MALRD1: variants seen among roughly 807,000 people sequenced by gnomAD.
MALRD1 encodes MAM and LDL receptor class A domain containing 1.
A neutral mutation model predicts 242.1 loss-of-function variants in MALRD1; 247 were observed. The observed-to-expected ratio is 1.02, with a 90% CI of 0.92 to 1.13. The LOEUF (loss-of-function observed/expected upper bound fraction) is 1.13, where lower values mean the gene tolerates loss of function less well. MALRD1 is among the 50% of genes most tolerant of loss of function. MALRD1 has a pLI of 0.00. For missense variants in MALRD1, 2,989 were observed against 2,533.1 expected (o/e 1.18, Z -3.86); for synonymous variants, 995 against 866.6 (o/e 1.15, Z -2.60).
chr10:19,190,866 T>C (rs975412763), intron 14 of MALRD1, among the ~76,000 whole-genome samples: 1 of 152,044 alleles, frequency 6.6e-6, no homozygotes, highest in African/African-American at 2.4e-5. Context: ...GAAGAAAATA[T>C]AGGACAGAAA....
At chr10:19,197,239 G>C (rs188014417) in intron 14 of MALRD1, among the ~76,000 whole-genome samples, 3 of 152,092 alleles carry the variant, frequency 2.0e-5, no homozygotes, top group Non-Finnish European at 4.4e-5. Flanking sequence ...CCCTCAACAC[G>C]TGAGAATTAC....
chr10:19,586,124 C>T (rs542457549), intron 33 of MALRD1, among the ~76,000 whole-genome samples: 1 of 152,110 alleles, frequency 6.6e-6, no homozygotes, highest in African/African-American at 2.4e-5. Flanking sequence ...GTTATACATT[C>T]TTCTAAATTT....
At chr10:19,417,655 A>G (rs747976773) in intron 28 of MALRD1, among the ~76,000 whole-genome samples, 17 of 152,200 alleles carry the variant, frequency 1.1e-4, no homozygotes, top group Non-Finnish European at 2.4e-4. Context: ...AAGTCAGCGT[A>G]TGTAATAGTT....
chr10:19,704,518 G>T (rs776933519), intron 38 of MALRD1, among the ~76,000 whole-genome samples: 12 of 152,144 alleles, frequency 7.9e-5, no homozygotes, highest in Non-Finnish European at 1.2e-4. Flanking sequence ...TAATGCCGTC[G>T]CTTTAATAGG....
At chr10:19,142,002 C>G (rs928550091) in intron 10 of MALRD1, among the ~76,000 whole-genome samples, 2 of 151,626 alleles carry the variant, frequency 1.3e-5, no homozygotes, top group Admixed American at 6.6e-5. Context: ...GAAACCCCAT[C>G]TCTACTAAAA....
At chr10:19,497,885 T>C (rs1163461954) in intron 30 of MALRD1, among the ~76,000 whole-genome samples, 1 of 152,152 alleles carries the variant, frequency 6.6e-6, no homozygotes, top group African/African-American at 2.4e-5. Context: ...ATACAGTTAT[T>C]ATCTATTAAT....
intron 28 of MALRD1, among the ~76,000 whole-genome samples, chr10:19,427,321 G>A (rs569229778): frequency 3.9e-5 from 6 of 152,228 alleles, no homozygotes; most frequent in Non-Finnish European, 5.9e-5. Flanking sequence ...TAATGAGCAT[G>A]GCTATCATAT....
At chr10:19,171,721 C>CACATATAT in intron 13 of MALRD1, among the ~76,000 whole-genome samples, 2 of 125,760 alleles carry the variant, frequency 1.6e-5, no homozygotes, top group South Asian at 4.9e-4. Context: ...CGTATATACA[C>CACATATAT]GTATATACGT....
At chr10:19,729,550 TTA>T (rs1364796341) in intron 38 of MALRD1, among the ~76,000 whole-genome samples, 8 of 150,874 alleles carry the variant, frequency 5.3e-5, no homozygotes, top group Admixed American at 1.3e-4. Context: ...GGATCCTTTC[TTA>T]TGTGTGTGTG....
upstream of MALRD1, chr10:19,048,784 C>A (rs150963839): frequency 1.1e-4 from 51 of 478,450 alleles, no homozygotes; most frequent in African/African-American, 9.4e-4. Context: ...AATTAACTGC[C>A]TGGGGAGTAA....
intron 11 of MALRD1, among the ~76,000 whole-genome samples, chr10:19,148,690 G>A (rs1370094605): frequency 6.7e-6 from 1 of 150,114 alleles, no homozygotes; most frequent in Non-Finnish European, 1.5e-5. Context: ...ATAACAATAT[G>A]ACTGATAAAA....
chr10:19,641,016 A>G (rs989191580), intron 36 of MALRD1, among the ~76,000 whole-genome samples: 9 of 152,146 alleles, frequency 5.9e-5, no homozygotes, highest in African/African-American at 1.9e-4. Context: ...TTGGATATTC[A>G]CTTTTACTAA....
chr10:19,486,708 G>A (rs1233100286), intron 29 of MALRD1, among the ~76,000 whole-genome samples: 1 of 152,090 alleles, frequency 6.6e-6, no homozygotes, highest in Non-Finnish European at 1.5e-5. Flanking sequence ...GCTTAAGAAA[G>A]TAATAAAACA....
chr10:19,473,795 T>C (rs193266177), intron 29 of MALRD1, among the ~76,000 whole-genome samples: 7 of 152,308 alleles, frequency 4.6e-5, no homozygotes, highest in Non-Finnish European at 1.5e-5. Flanking sequence ...AGTGCACAAA[T>C]ACCTGCTCAA....
intron 33 of MALRD1, among the ~76,000 whole-genome samples, chr10:19,591,012 A>G (rs764115653): frequency 2.0e-5 from 3 of 152,180 alleles, no homozygotes; most frequent in African/African-American, 7.2e-5. Flanking sequence ...ACATACAGTT[A>G]GTTTCACCGC....
In MALRD1 at chr10:19,183,122, T is replaced by G. The variant is rs1161988941; in HGVS notation, c.1951+7794T>G. ...TAAAGTCTTATTTTGAGGGTTTTTT[T>G]TTTTTTTTTGCCTGCTTTTTTGAAA... On this transcript the variant is annotated intron_variant, in intron 14 of 39. Coordinates refer to ENST00000454679, the MANE Select transcript of MALRD1 (RefSeq NM_001142308.3). Among the ~76,000 whole-genome samples the G allele has an allele frequency of 2.9e-3, 435 of 150,912 alleles. 3 individuals are homozygous for G. Among genetic ancestry groups the G allele is most frequent in the African/African-American group, 9.8e-3 (406 of 41,270 alleles).
chr10:19,626,744 G>T (rs1839673060), intron 36 of MALRD1, among the ~76,000 whole-genome samples: 2 of 151,010 alleles, frequency 1.3e-5, no homozygotes, highest in African/African-American at 2.4e-5. Flanking sequence ...AAAAAAAAAT[G>T]AACAAACCAC....
At chr10:19,191,629 G>A (rs1835979134) in intron 14 of MALRD1, among the ~76,000 whole-genome samples, 1 of 152,136 alleles carries the variant, frequency 6.6e-6, no homozygotes, top group African/African-American at 2.4e-5. Context: ...GAAAAATGTG[G>A]TGAATGCATA....
chr10:19,317,398 A>T (rs1842751986), intron 21 of MALRD1, among the ~76,000 whole-genome samples: 3 of 151,960 alleles, frequency 2.0e-5, no homozygotes, highest in Admixed American at 2.0e-4. Context: ...TAATAACATT[A>T]CCTTGGAGAG....
Sources: gnomAD v4.1 joint callset for allele counts (sites outside exome capture counted in the v4.1 genomes callset) on GRCh38, gnomAD v4.1.1 for gene constraint, MANE v1.5 for transcripts, NCBI Gene and HGNC (gene_info 2026-07-23, HGNC 2026-07-21) for gene names.